Variants in RSRC1 observed in about 807,000 individuals in gnomAD.
RSRC1 encodes the protein arginine and serine rich coiled-coil 1.
A neutral mutation model predicts 49.1 loss-of-function variants in RSRC1; 39 were observed. The observed-to-expected ratio is 0.79, with a 90% CI of 0.61 to 1.04. The LOEUF is 1.04. Ranked by LOEUF, RSRC1 falls within the 50% of genes least tolerant of loss-of-function variation. The pLI is 0.00. For synonymous variants in RSRC1, 143 were observed against 130.8 expected (o/e 1.09, Z -0.63); for missense variants, 388 against 402.4 (o/e 0.96, Z 0.31).
chr3:158,211,737 A>G (rs886464858), intron 4 of RSRC1, among the ~76,000 whole-genome samples: 1 of 151,904 alleles, frequency 6.6e-6, no homozygotes, highest in African/African-American at 2.4e-5. Context: ...TAAGATGGAG[A>G]TAATGGTAAT....
At chr3:158,253,638 A>G (rs1193313503) in intron 4 of RSRC1, among the ~76,000 whole-genome samples, 1 of 152,070 alleles carries the variant, frequency 6.6e-6, no homozygotes, top group Non-Finnish European at 1.5e-5. Flanking sequence ...TCTCTACATA[A>G]TCTGTCCAGT....
chr3:158,416,218 C>T (rs977569761), intron 6 of RSRC1, among the ~76,000 whole-genome samples: 16 of 151,510 alleles, frequency 1.1e-4, no homozygotes, highest in Non-Finnish European at 2.1e-4. Context: ...TTCTTTGTGC[C>T]TTTCTCAACC....
chr3:158,408,064 T>A (rs1439888827), intron 6 of RSRC1, among the ~76,000 whole-genome samples: 3 of 152,144 alleles, frequency 2.0e-5, no homozygotes, highest in Non-Finnish European at 4.4e-5. Context: ...GGAGATTGTG[T>A]AAGAGAGGTT....
chr3:158,363,039 T>TA (rs1731564937), intron 6 of RSRC1, among the ~76,000 whole-genome samples: 1 of 152,224 alleles, frequency 6.6e-6, no homozygotes, highest in South Asian at 2.1e-4. Flanking sequence ...TGCATAACAG[T>TA]ATTTCATTTT....
chr3:158,355,525 T>C (rs551893578), intron 6 of RSRC1, among the ~76,000 whole-genome samples: 1 of 152,110 alleles, frequency 6.6e-6, no homozygotes, highest in East Asian at 1.9e-4. Context: ...TTGGACTAAC[T>C]CACTGGACTG....
chr3:158,429,754 T>C (rs1735673084), intron 6 of RSRC1, among the ~76,000 whole-genome samples: 1 of 151,024 alleles, frequency 6.6e-6, no homozygotes, highest in South Asian at 2.1e-4. Flanking sequence ...CTTGAGGACA[T>C]TATGCCAACT....
At chr3:158,252,263 G>A (rs1462871472) in intron 4 of RSRC1, among the ~76,000 whole-genome samples, 6 of 151,556 alleles carry the variant, frequency 4.0e-5, no homozygotes, top group Non-Finnish European at 7.4e-5. Flanking sequence ...CCGGGTTCAC[G>A]CCATTCTCCT....
intron 4 of RSRC1, among the ~76,000 whole-genome samples, chr3:158,244,567 T>C (rs144378416): frequency 0.017 from 2,599 of 152,290 alleles, 93 homozygotes; most frequent in African/African-American, 0.06. Flanking sequence ...ATCAAGGATA[T>C]TGGCCTGAAG....
intron 6 of RSRC1, among the ~76,000 whole-genome samples, chr3:158,440,421 C>T (rs1490611738): frequency 6.6e-6 from 1 of 152,004 alleles, no homozygotes; most frequent in East Asian, 1.9e-4. Flanking sequence ...AATTTCTTTG[C>T]TTAGTTTTCA....
At chr3:158,499,258 T>A (rs1169333036) in intron 7 of RSRC1, among the ~76,000 whole-genome samples, 2 of 152,098 alleles carry the variant, frequency 1.3e-5, no homozygotes, top group African/African-American at 4.8e-5. Flanking sequence ...GCGCCTGTAA[T>A]CCCAGCTACT....
chr3:158,359,238 C>G (rs987768214), intron 6 of RSRC1, among the ~76,000 whole-genome samples: 1 of 152,088 alleles, frequency 6.6e-6, no homozygotes, highest in East Asian at 1.9e-4. Context: ...TTTAAGTTAC[C>G]TATTTGAAAG....
At chr3:158,466,882 T>G (rs1174754066) in intron 7 of RSRC1, among the ~76,000 whole-genome samples, 1 of 152,066 alleles carries the variant, frequency 6.6e-6, no homozygotes, top group Non-Finnish European at 1.5e-5. Flanking sequence ...GGCAATATAG[T>G]GAGACCCTGT....
At chr3:158,362,261 C>A (rs959886916) in intron 6 of RSRC1, among the ~76,000 whole-genome samples, 1 of 152,088 alleles carries the variant, frequency 6.6e-6, no homozygotes, top group Non-Finnish European at 1.5e-5. Context: ...ATTGCTTGTG[C>A]CCGAGTGAAG....
At chr3:158,139,058 T>C (rs1475553293) in intron 3 of RSRC1, among the ~76,000 whole-genome samples, 1 of 152,292 alleles carries the variant, frequency 6.6e-6, no homozygotes, top group East Asian at 1.9e-4. Flanking sequence ...CACTGCTTAA[T>C]ATTTGATGAC....
chr3:158,487,722 G>T (rs1738869892), intron 7 of RSRC1, among the ~76,000 whole-genome samples: 1 of 151,908 alleles, frequency 6.6e-6, no homozygotes, highest in Admixed American at 6.6e-5. Flanking sequence ...GGCTGAGGTG[G>T]GCGGATCACC....
At chr3:158,502,517 C>T (rs574169734) in intron 7 of RSRC1, among the ~76,000 whole-genome samples, 1 of 152,238 alleles carries the variant, frequency 6.6e-6, no homozygotes, top group South Asian at 2.1e-4. Flanking sequence ...TAGGTTTGGT[C>T]ATTTAAAATA....
chr3:158,306,550 A>G (rs1023316197), intron 5 of RSRC1, among the ~76,000 whole-genome samples: 5 of 152,060 alleles, frequency 3.3e-5, no homozygotes, highest in African/African-American at 1.2e-4. Context: ...AGTATGTGTA[A>G]GAATAGGCTT....
intron 7 of RSRC1, among the ~76,000 whole-genome samples, chr3:158,512,804 G>C (rs1234920446): frequency 2.0e-5 from 3 of 151,502 alleles, no homozygotes; most frequent in African/African-American, 4.8e-5. Context: ...GCAGTGGTTT[G>C]TAGTTCTCCT....
chr3:158,145,685 T>C (rs956267117), intron 3 of RSRC1, among the ~76,000 whole-genome samples: 2 of 152,184 alleles, frequency 1.3e-5, no homozygotes, highest in African/African-American at 4.8e-5. Context: ...ATTGGCAGCT[T>C]GATGGGGATG....
Sources: allele counts gnomAD v4.1 joint callset (sites outside exome capture counted in the v4.1 genomes callset), GRCh38; gene constraint gnomAD v4.1.1; transcripts MANE v1.5; gene names NCBI Gene and HGNC (gene_info 2026-07-23, HGNC 2026-07-21).